NAV1: variants seen among roughly 807,000 people sequenced by gnomAD.
NAV1 encodes the protein neuron navigator 1.
Under a neutral mutation model 175.2 loss-of-function variants are expected in NAV1, and 18 were observed. That is an observed-to-expected ratio of 0.10 (90% CI 0.07 to 0.15). NAV1 has a LOEUF of 0.15. Ranked by LOEUF, NAV1 falls within the 10% of genes least tolerant of loss-of-function variation. NAV1 has a pLI of 1.00. For synonymous variants in NAV1, 897 were observed against 978.7 expected, an observed-to-expected ratio of 0.92 and a Z score of 1.56; for missense variants, 1,731 against 2,436.6, an observed-to-expected ratio of 0.71 and a Z score of 6.10.
intron 3 of NAV1, among the ~76,000 whole-genome samples, chr1:201,731,851 T>C (rs1672871374): frequency 6.6e-6 from 1 of 152,146 alleles, no homozygotes; most frequent in African/African-American, 2.4e-5. Context: ...GGACAGAGCT[T>C]ATCATCTGGC....
intron 1 of NAV1, among the ~76,000 whole-genome samples, chr1:201,558,156 C>T (rs1483692121): frequency 6.6e-6 from 1 of 152,112 alleles, no homozygotes; most frequent in South Asian, 2.1e-4. Context: ...AATAAACTGA[C>T]GATATGTAGA....
intron 3 of NAV1, among the ~76,000 whole-genome samples, chr1:201,769,433 T>C (rs964515951): frequency 6.6e-6 from 1 of 152,248 alleles, no homozygotes; most frequent in Non-Finnish European, 1.5e-5. Flanking sequence ...GTTGTGATTA[T>C]TGATGCTCTT....
chr1:201,585,807 A>G (rs946745672), intron 1 of NAV1, among the ~76,000 whole-genome samples: 6 of 152,348 alleles, frequency 3.9e-5, no homozygotes, highest in Middle Eastern at 3.4e-3. Flanking sequence ...AAGCACAGAA[A>G]GTAACAAGCA....
chr1:201,623,945 G>T lies in NAV1; in HGVS notation c.-101+339G>T, dbSNP rs116413212. ...AGATTGGGATGTCGTGGAAGCTTAA[G>T]CAGCTAGATACATAGGCAGTGTCAG... On this transcript the variant is annotated intron_variant, in intron 1 of 29. Transcript: ENST00000367302. 7.6e-3 allele frequency among the ~76,000 whole-genome samples: 1,155 copies of T among 152,340 alleles called. 15 individuals carry two copies. Among genetic ancestry groups the T allele is most frequent in the African/African-American group, 0.026 (1,095 of 41,562 alleles).
At chr1:201,594,902 G>T (rs1667310225) in intron 2 of NAV1, among the ~76,000 whole-genome samples, 1 of 152,268 alleles carries the variant, frequency 6.6e-6, no homozygotes, top group South Asian at 2.1e-4. Context: ...GGAGCACTGA[G>T]CAGGGAATAT....
At chr1:201,661,093 C>G (rs555117346) in intron 1 of NAV1, among the ~76,000 whole-genome samples, 1 of 152,172 alleles carries the variant, frequency 6.6e-6, no homozygotes, top group Non-Finnish European at 1.5e-5. Context: ...GGCAAGTTCA[C>G]GGTCAAGCTA....
intron 1 of NAV1, among the ~76,000 whole-genome samples, chr1:201,563,692 G>T (rs930011296): frequency 3.3e-5 from 5 of 152,128 alleles, no homozygotes; most frequent in African/African-American, 9.7e-5. Flanking sequence ...TTATTGTAGG[G>T]GTAGAATGAG....
chr1:201,749,757 C>T (rs1020492591), intron 3 of NAV1, among the ~76,000 whole-genome samples: 1 of 152,084 alleles, frequency 6.6e-6, no homozygotes, highest in Non-Finnish European at 1.5e-5. Flanking sequence ...CAAAATTAGC[C>T]AGGCATGGTG....
At chr1:201,553,072 TG>T (rs1211647662) in intron 1 of NAV1, among the ~76,000 whole-genome samples, 1 of 152,180 alleles carries the variant, frequency 6.6e-6, no homozygotes, top group East Asian at 1.9e-4. Context: ...TCCAGGGCAT[TG>T]TAAATAGCAC....
intron 1 of NAV1, among the ~76,000 whole-genome samples, chr1:201,663,446 A>G (rs992974836): frequency 1.3e-5 from 2 of 152,062 alleles, no homozygotes; most frequent in African/African-American, 4.8e-5. Context: ...GCAGGGATGA[A>G]GATTCAGGCC....
intron 3 of NAV1, among the ~76,000 whole-genome samples, chr1:201,733,057 CGA>C (rs1672933996): frequency 6.6e-6 from 1 of 151,216 alleles, no homozygotes; most frequent in Non-Finnish European, 1.5e-5. Context: ...GGCAACAGAG[CGA>C]GACTCTGTCT....
chr1:201,781,554 A>G (rs1470812270), intron 5 of NAV1, among the ~76,000 whole-genome samples: 1 of 152,214 alleles, frequency 6.6e-6, no homozygotes, highest in African/African-American at 2.4e-5. Context: ...ATCCCAGTTA[A>G]TATGAGGTAC....
chr1:201,801,563 G>A lies in NAV1; in HGVS notation c.3518-2030G>A, dbSNP rs181780526. 1.5e-3 allele frequency among the ~76,000 whole-genome samples: 232 copies of A among 152,076 alleles called. 1 individual carries two copies. The highest frequency in any genetic ancestry group is 5.3e-3 in the African/African-American group (219 of 41,484). On this transcript the variant is annotated intron_variant, in intron 15 of 29. Transcript: ENST00000367296. Reference sequence around the variant, plus strand: ...CTCAAACTCCTGGGCTTAAGTGATCGTCCTGCCTTGGCATCCCTGGGTGCT... The same window carrying A: ...CTCAAACTCCTGGGCTTAAGTGATCATCCTGCCTTGGCATCCCTGGGTGCT...
chr1:201,803,861 T>C (rs1336151379), intron 16 of NAV1, 147 bp downstream of exon 20: 11 of 1,031,146 alleles, frequency 1.1e-5, no homozygotes, highest in Non-Finnish European at 1.5e-5. Context: ...CAGAGCATGG[T>C]CTCCCAGATT....
chr1:201,667,612 C>T (rs559814930), intron 1 of NAV1, among the ~76,000 whole-genome samples: 7 of 152,280 alleles, frequency 4.6e-5, no homozygotes, highest in South Asian at 2.1e-4. Context: ...GAGGAGGATG[C>T]GCTGCCTATC....
chr1:201,561,232 A>G (rs1175934607), intron 1 of NAV1, among the ~76,000 whole-genome samples: 1 of 152,156 alleles, frequency 6.6e-6, no homozygotes, highest in Admixed American at 6.5e-5. Flanking sequence ...ACAGTGGGAT[A>G]TTGTCAGTCA....
chr1:201,645,466 G>T (rs1668945602), upstream of NAV1, among the ~76,000 whole-genome samples: 1 of 151,490 alleles, frequency 6.6e-6, no homozygotes, highest in South Asian at 2.1e-4. Context: ...ACCAGTTAAT[G>T]GGTGCAGCAC....
chr1:201,649,382 C>G (rs766205587), exon 1 of NAV1: 6 of 1,598,106 alleles, frequency 3.8e-6, no homozygotes, highest in Middle Eastern at 1.7e-4. Context: ...TGGTGGTGAC[C>G]GTGCTGGGAG....
chr1:201,642,654 C>T (rs1486469049), intron 2 of NAV1, among the ~76,000 whole-genome samples: 5 of 133,212 alleles, frequency 3.8e-5, no homozygotes, highest in East Asian at 2.1e-4. Flanking sequence ...TCCCTCGCTC[C>T]TTCCTTCCCT....
Sources: gnomAD v4.1 joint callset for allele counts (sites outside exome capture counted in the v4.1 genomes callset) on GRCh38, gnomAD v4.1.1 for gene constraint, MANE v1.5 for transcripts, NCBI Gene and HGNC (gene_info 2026-07-23, HGNC 2026-07-21) for gene names.